Variants in COG2 observed in about 807,000 individuals in gnomAD.
COG2 encodes the protein conserved oligomeric Golgi complex subunit 2.
A neutral mutation model predicts 90.6 loss-of-function variants in COG2; 52 were observed. The ratio of observed to expected loss-of-function variants is 0.57; its 90% confidence interval spans 0.46 to 0.72. The LOEUF is 0.72. Among genes scored for constraint, COG2 ranks in the 30% least tolerant of loss-of-function variants. The probability of loss-of-function intolerance (pLI) is 0.00; values close to 1 mark genes in which losing one functional copy is unlikely to be tolerated. For missense variants in COG2, 829 were observed against 891.2 expected, an observed-to-expected ratio of 0.93 and a Z score of 0.89; for synonymous variants, 337 against 320.4, an observed-to-expected ratio of 1.05 and a Z score of -0.55.
At chr1:230,673,390 GTCAC>G (rs1662504324) in intron 8 of COG2, among the ~76,000 whole-genome samples, 1 of 152,248 alleles carries the variant, frequency 6.6e-6, no homozygotes, top group South Asian at 2.1e-4. Flanking sequence ...TGCTCCCCTT[GTCAC>G]TCCTTTCTTT....
intron 1 of COG2, among the ~76,000 whole-genome samples, chr1:230,651,009 A>T (rs1454676078): frequency 6.6e-6 from 1 of 152,208 alleles, no homozygotes; most frequent in Non-Finnish European, 1.5e-5. Flanking sequence ...ACAGACATAC[A>T]GGAGCTTATA....
At chr1:230,685,347 AC>A in intron 12 of COG2, 111 bp downstream of exon 12, 1 of 1,091,460 alleles carries the variant, frequency 9.2e-7, no homozygotes, top group Non-Finnish European at 1.3e-6. Context: ...AATTCAGAGG[AC>A]CACAGTAGTC....
chr1:230,651,052 T>A (rs180932752), intron 1 of COG2, among the ~76,000 whole-genome samples: 29 of 152,302 alleles, frequency 1.9e-4, no homozygotes, highest in African/African-American at 6.5e-4. Flanking sequence ...CTATAGTTTA[T>A]TTAGTCCACA....
At chr1:230,664,690 T>C in intron 5 of COG2, 103 bp downstream of exon 5, 1 of 566,082 alleles carries the variant, frequency 1.8e-6, no homozygotes, top group Non-Finnish European at 3.0e-6. Flanking sequence ...AATCCCAGTC[T>C]ATGGCTTAGT....
chr1:230,671,406 T>G, intron 7 of COG2, 110 bp from the exon 8 acceptor site: 1 of 854,664 alleles, frequency 1.2e-6, no homozygotes. Flanking sequence ...GGGAGGAGGG[T>G]GAGTGTGAGG....
chr1:230,693,088 C>T (rs906933744), intron 17 of COG2, among the ~76,000 whole-genome samples: 1 of 152,102 alleles, frequency 6.6e-6, no homozygotes, highest in Admixed American at 6.5e-5. Flanking sequence ...AACATACTGG[C>T]TTCTTAGAAT....
intron 16 of COG2, 88 bp from the exon 17 acceptor site, chr1:230,691,296 C>A: frequency 8.5e-7 from 1 of 1,182,352 alleles, no homozygotes; most frequent in Non-Finnish European, 1.2e-6. Context: ...TCTTAAAAAT[C>A]TCTTTTTTTG....
At chr1:230,667,411 GTATTA>G (rs1218902723) in intron 5 of COG2, among the ~76,000 whole-genome samples, 1 of 151,956 alleles carries the variant, frequency 6.6e-6, no homozygotes, top group African/African-American at 2.4e-5. Context: ...TTATATTATT[GTATTA>G]TATTATATTC....
intron 1 of COG2, among the ~76,000 whole-genome samples, chr1:230,647,550 A>G (rs896537462): frequency 6.6e-6 from 1 of 152,156 alleles, no homozygotes; most frequent in Non-Finnish European, 1.5e-5. Context: ...TGCTTATCTC[A>G]ATACTCTTTG....
At chr1:230,677,626 A>G (rs575050961) in intron 9 of COG2, among the ~76,000 whole-genome samples, 4 of 152,196 alleles carry the variant, frequency 2.6e-5, no homozygotes, top group Non-Finnish European at 5.9e-5. Flanking sequence ...AAGCACTAGC[A>G]AATGTGAAGA....
chr1:230,660,716 T>A, intron 2 of COG2, 42 bp from the exon 3 acceptor site: 4 of 1,431,166 alleles, frequency 2.8e-6, no homozygotes, highest in Middle Eastern at 1.8e-4. Flanking sequence ...GCTGTTACTC[T>A]TGATTGTGAG....
chr1:230,664,073 C>G (rs1662254603), intron 4 of COG2, among the ~76,000 whole-genome samples: 1 of 151,950 alleles, frequency 6.6e-6, no homozygotes, highest in South Asian at 2.1e-4. Context: ...CCTATAGTCC[C>G]AGCTACTTGG....
At chr1:230,691,752 A>C in intron 17 of COG2, 188 bp downstream of exon 17, 1 of 558,114 alleles carries the variant, frequency 1.8e-6, no homozygotes, top group Non-Finnish European at 3.1e-6. Flanking sequence ...CGGCAATATG[A>C]GAATTCCCGT....
rs79297686 is a variant in COG2 at position 230,646,069 on chromosome 1, T to G, written c.72+3391T>G. Among the ~76,000 whole-genome samples, 1,026 of 152,158 alleles carry G rather than the reference T, an allele frequency of 6.7e-3. 10 individuals are homozygous for G. The highest frequency in any genetic ancestry group is 0.023 in the African/African-American group (949 of 41,532). ...CCTCTCCCTTCTCAGGACCCTGTTA[T>G]TCCCACCCTCTCCACACTTCTTCCC... On this transcript the variant is annotated intron_variant, in intron 1 of 17. Coordinates refer to ENST00000366669, the MANE Select transcript of COG2 (RefSeq NM_007357.3).
At chr1:230,646,481 C>T (rs1287382841) in intron 1 of COG2, among the ~76,000 whole-genome samples, 1 of 152,152 alleles carries the variant, frequency 6.6e-6, no homozygotes, top group Non-Finnish European at 1.5e-5. Context: ...ATGGACTCAG[C>T]CACGTGTCTG....
At position 230,660,809 on chromosome 1, in the gene COG2, C is replaced by A; in HGVS notation, c.286C>A (p.Arg96=). ...NQLSVPLGQL[R]EEVLSLRSSV... Reference sequence around the variant, plus strand: ...GCTTTCTGTGCCTTTGGGACAATTACGAGAAGAGGTTCTGGTAAGTTTCCC... The same window carrying A: ...GCTTTCTGTGCCTTTGGGACAATTAAGAGAAGAGGTTCTGGTAAGTTTCCC... The change falls in exon 3 of 18, where the codon CGA becomes AGA. Residue 96 remains arginine, a synonymous_variant. Transcript: ENST00000366669. 6.3e-7 allele frequency: 1 copy of A among 1,586,592 alleles called. No homozygotes were observed. Among genetic ancestry groups the A allele is most frequent in the Non-Finnish European group, 8.6e-7 (1 of 1,167,700 alleles).
chr1:230,655,685 C>G (rs1283473288), intron 1 of COG2, among the ~76,000 whole-genome samples: 1 of 152,230 alleles, frequency 6.6e-6, no homozygotes, highest in Non-Finnish European at 1.5e-5. Flanking sequence ...ACCAGCTCCT[C>G]TTTGTACCTC....
chr1:230,653,063 C>G (rs935017730), intron 1 of COG2, among the ~76,000 whole-genome samples: 1 of 152,092 alleles, frequency 6.6e-6, no homozygotes, highest in African/African-American at 2.4e-5. Flanking sequence ...ATATTATTAA[C>G]TATAGTCATC....
At chr1:230,663,673 A>G (rs1051994190) in intron 4 of COG2, among the ~76,000 whole-genome samples, 28 of 152,314 alleles carry the variant, frequency 1.8e-4, no homozygotes, top group African/African-American at 6.5e-4. Context: ...CTATTTATTT[A>G]ATGAATGACT....
Sources: allele counts gnomAD v4.1 joint callset (sites outside exome capture counted in the v4.1 genomes callset), GRCh38; gene constraint gnomAD v4.1.1; transcripts MANE v1.5; gene names NCBI Gene and HGNC (gene_info 2026-07-23, HGNC 2026-07-21).